CDAN1: variants seen among roughly 807,000 people sequenced by gnomAD.
CDAN1 encodes codanin 1, also known as codanin-1.
A neutral mutation model predicts 139.8 loss-of-function variants in CDAN1; 107 were observed. The observed-to-expected ratio is 0.77, with a 90% CI of 0.65 to 0.90. The LOEUF (loss-of-function observed/expected upper bound fraction) is 0.90. CDAN1 is among the 40% of genes least tolerant of loss of function. The pLI is 0.00. For synonymous variants in CDAN1, 776 were observed against 660.6 expected, an observed-to-expected ratio of 1.17 and a Z score of -2.68; for missense variants, 1,667 against 1,575.7, an observed-to-expected ratio of 1.06 and a Z score of -0.98.
At chr15:42,726,628 T>C (rs894184056) in intron 23 of CDAN1, 6 of 594,492 alleles carry the variant, frequency 1.0e-5, no homozygotes, top group African/African-American at 5.6e-5. Context: ...AGGGAACAGA[T>C]GGAGGTCAGC....
Position 42,723,913 on chromosome 15 carries a change from T to C in CDAN1, c.*578A>G, listed in dbSNP as rs939868888. The C allele has an allele frequency of 1.9e-5, 3 of 160,542 alleles. No homozygotes were observed. The highest frequency in any genetic ancestry group is 7.2e-5 in the African/African-American group (3 of 41,494). The allele number at this position is 160,542 out of a possible 1,614,324, so 9.9% of individuals were successfully genotyped here. ...TAGTAGAGATGGGGTTTTGCCATGT[T>C]GGCCAGGCTGGTCTTGAATTCCTGA... On this transcript the variant is annotated 3_prime_UTR_variant, in exon 28 of 28. Transcript: ENST00000356231.
intron 6 of CDAN1, 87 bp downstream of exon 6, chr15:42,735,013 G>T: frequency 1.1e-6 from 1 of 896,644 alleles, no homozygotes; most frequent in Non-Finnish European, 1.8e-6. Flanking sequence ...CTGCCCCTGT[G>T]TTAAGCACCA....
At chr15:42,736,827 C>T (rs767291360) in intron 1 of CDAN1, 47 bp from the exon 2 acceptor site, 2 of 1,476,044 alleles carry the variant, frequency 1.4e-6, no homozygotes, top group African/African-American at 1.5e-5. Context: ...AGCCGCCGGC[C>T]CGCGGGCCGT....
chr15:42,729,941 C>T, intron 15 of CDAN1, 56 bp from the exon 16 acceptor site: 2 of 1,352,920 alleles, frequency 1.5e-6, no homozygotes, highest in Admixed American at 1.9e-5. Flanking sequence ...CAACCCACCC[C>T]ACCTCCTGCA....
rs113282830 is a variant in CDAN1, at chr15:42,729,320, C to G, written c.2450G>C (p.Ser817Thr). 15 of 1,614,168 alleles carry G rather than the reference C, an allele frequency of 9.3e-6. No individual in the cohort carries two copies. In the African/African-American group the frequency reaches 1.1e-4, roughly 11 times the overall value. Residue 817 changes from serine (S) to threonine (T), a missense_variant, in exon 18 of 28, where the codon AGT becomes ACT. Around this residue, in one of 3 missense-constraint regions of CDAN1, gnomAD observed 936 missense variants for 844.1 expected, o/e 1.11. Coordinates refer to ENST00000356231, the MANE Select transcript of CDAN1 (RefSeq NM_138477.4). ...CCTCATGAAGCCCCCACTCCGTCCA[C>G]TACTGCCTGACACCCACGAAGCGAG... ...KLLASWVSGS[S>T]GRSGGFMRKI...
intron 25 of CDAN1, 144 bp downstream of exon 25, chr15:42,725,953 G>C: frequency 2.7e-6 from 2 of 740,076 alleles, no homozygotes; most frequent in African/African-American, 2.5e-5. Context: ...TCCAGCCTGG[G>C]CAACAGAACA....
chr15:42,728,545 A>C, intron 20 of CDAN1, 107 bp downstream of exon 20: 1 of 1,478,140 alleles, frequency 6.8e-7, no homozygotes, highest in Non-Finnish European at 9.4e-7. Context: ...GAGAAGAAAA[A>C]AGGAGGCATG....
Position 42,736,098 on chromosome 15 carries a change from G to T in CDAN1, c.570-20C>A, listed in dbSNP as rs900314468. 3 of 1,613,082 alleles carry T rather than the reference G, an allele frequency of 1.9e-6. No individual in the cohort carries two copies. The African/African-American group carries it at 4.0e-5, about 22-fold the overall frequency. On this transcript the variant is annotated intron_variant, in intron 2 of 27. Coordinates refer to ENST00000356231, the MANE Select transcript of CDAN1 (RefSeq NM_138477.4). Reference sequence around the variant, plus strand: ...TTCGTCCTGCTGAGAGTAGCCACAGGTTTTTCTCAAATTCCTATCTTCAAA... The same window carrying T: ...TTCGTCCTGCTGAGAGTAGCCACAGTTTTTTCTCAAATTCCTATCTTCAAA...
At chr15:42,731,853 T>G (rs1457254629) in intron 10 of CDAN1, 28 bp from the exon 11 acceptor site, 6 of 1,609,210 alleles carry the variant, frequency 3.7e-6, no homozygotes, top group Non-Finnish European at 5.1e-6. Context: ...GGAGAGAAAT[T>G]AAAAAAATCA....
chr15:42,728,071 G>A (rs1453467073), intron 21 of CDAN1, 38 bp from the exon 22 acceptor site: 1 of 1,606,654 alleles, frequency 6.2e-7, no homozygotes, highest in East Asian at 2.2e-5. Context: ...GCTAGGGGAG[G>A]GCTGGGTGCA....
rs1191001725 is a variant in CDAN1 at position 42,735,655 on chromosome 15, A to G, written c.798T>C (p.Pro266=). Residue 266 remains proline (P), a synonymous_variant, in exon 4 of 28, where the codon CCT becomes CCC. Coordinates refer to ENST00000356231, the MANE Select transcript of CDAN1 (RefSeq NM_138477.4). ...KERSKQLQQS[P]TPTCPTPELG... Reference sequence around the variant, plus strand: ...ATTCTGGGGTGGGACAGGTGGGGGTAGGTGACTGCTGCAGCTGCTTAGAGC... The same window carrying G: ...ATTCTGGGGTGGGACAGGTGGGGGTGGGTGACTGCTGCAGCTGCTTAGAGC... The G allele has an allele frequency of 6.2e-7, 1 of 1,614,038 alleles. No homozygotes were observed. Among genetic ancestry groups the G allele is most frequent in the East Asian group, 2.2e-5 (1 of 44,874 alleles).
chr15:42,731,686 G>T lies in CDAN1; in HGVS notation c.1673C>A (p.Pro558His). 6.2e-7 allele frequency: 1 copy of T among 1,614,076 alleles called. No homozygotes were observed. The highest frequency in any genetic ancestry group is 8.5e-7 in the Non-Finnish European group (1 of 1,179,964). The part of the protein sequence containing the change: ...RLMAPQSSGG[P>H]CPPPTFPGCQ... ...GCCTGGGAAGGTGGGGGGTGGGCAG[G>T]GCCCCCCACTGCTCTGAGGAGCCAT... is the stretch of plus-strand genomic sequence containing the variant. Residue 558 changes from proline to histidine, a missense_variant, in exon 11 of 28, where the codon CCC becomes CAC. Pro to His is a moderately conservative substitution (Grantham distance 77). Around this residue, in one of 3 missense-constraint regions of CDAN1, gnomAD observed 936 missense variants for 844.1 expected, o/e 1.11. Coordinates refer to ENST00000356231, the MANE Select transcript of CDAN1 (RefSeq NM_138477.4).
intron 14 of CDAN1, 56 bp downstream of exon 14, chr15:42,730,542 G>A (rs1377891459): frequency 7.5e-6 from 12 of 1,593,592 alleles, no homozygotes; most frequent in Non-Finnish European, 9.5e-6. Flanking sequence ...TAGCAGGCTT[G>A]ACCAATGTCC....
At position 42,726,436 on chromosome 15, in the gene CDAN1, GATATCAC is replaced by G. The variant is rs775710942; in HGVS notation, c.3097-26_3097-20del. ...GCACGTCCTGTGAAGAGCAGGGGGA[GATATCAC>G]CTTGCGCTGGGGGCCAGGATGCCAC... On this transcript the variant is annotated intron_variant, in intron 23 of 27. Transcript: ENST00000356231. 10 of 1,550,666 alleles carry G rather than the reference GATATCAC, an allele frequency of 6.4e-6. No individual in the cohort carries two copies. In the Admixed American group the frequency reaches 1.5e-4, roughly 23 times the overall value.
intron 9 of CDAN1, 76 bp from the exon 10 acceptor site, chr15:42,732,484 C>G (rs1040428438): frequency 7.4e-7 from 1 of 1,351,544 alleles, no homozygotes; most frequent in African/African-American, 1.4e-5. Context: ...GCAGCCAACC[C>G]CTGGACTTCC....
rs2061677425 is a variant in CDAN1, at chr15:42,735,620, G to A, written c.833C>T (p.Pro278Leu). 6.2e-7 allele frequency: 1 copy of A among 1,614,154 alleles called. No homozygotes were observed. Among genetic ancestry groups the A allele is most frequent in the South Asian group, 1.1e-5 (1 of 91,086 alleles). Residue 278 changes from proline to leucine, a missense_variant, in exon 4 of 28, where the codon CCC becomes CTC. Physicochemically the swap from Pro to Leu is moderately conservative, Grantham distance 98. This residue lies in a region of CDAN1 where 487 missense variants were observed against 422.2 expected (regional missense o/e 1.15). Transcript: ENST00000356231. ...GAGGCTTCCTGTCCGGCTGGGGAGG[G>A]GCGACCCCAATTCTGGGGTGGGACA... The part of the protein sequence containing the change: ...PTCPTPELGS[P>L]LPSRTGSLTD...
Position 42,735,122 on chromosome 15 carries a change from G to A in CDAN1, c.1114C>T (p.Gln372Ter). ...SIHDCVFFAVQVLECHFQVLS... is the reference protein window; with the variant it reads ...SIHDCVFFAV ...CACTGAAAGTGACACTCCAAAACCT[G>A]CACTGCAAAGAAGACACAATCGTGG... The change falls in exon 6 of 28, where the codon CAG becomes TAG. Residue 372 changes from glutamine to a stop codon, truncating the protein, a stop_gained. Transcript: ENST00000356231. LOFTEE classifies it high-confidence loss of function. 1 of 1,613,686 alleles carries A rather than the reference G, an allele frequency of 6.2e-7. No homozygotes were observed. Among genetic ancestry groups the A allele is most frequent in the Non-Finnish European group, 8.5e-7 (1 of 1,179,632 alleles).
rs186515980 is a variant in CDAN1 at position 42,733,861 on chromosome 15, T to A, written c.1367+77A>T. Reference sequence around the variant, plus strand: ...ACCTGTTGGTGCCAAACTCCTAATTTCTATGAAACCAAACAGCTGCCTATT... The same window carrying A: ...ACCTGTTGGTGCCAAACTCCTAATTACTATGAAACCAAACAGCTGCCTATT... On this transcript the variant is annotated intron_variant, in intron 8 of 27. Coordinates refer to ENST00000356231, the MANE Select transcript of CDAN1 (RefSeq NM_138477.4). The A allele has an allele frequency of 5.4e-4, 618 of 1,134,184 alleles. 2 individuals carry two copies. In the African/African-American group the frequency reaches 8.8e-3, roughly 16 times the overall value. The allele number at this position is 1,134,184 out of a possible 1,614,324, so 70.3% of individuals were successfully genotyped here.
At position 42,723,705 on chromosome 15, in the gene CDAN1, T is replaced by TA. The variant is rs1258431685; in HGVS notation, c.*785dup. On this transcript the variant is annotated 3_prime_UTR_variant, in exon 28 of 28. Transcript: ENST00000356231. ...GGTTTCAGTTGGTTGAGTCCTACCT[T>TA]ATCTGTTTGTTAGGCTTTTTCTAGA... The TA allele has an allele frequency of 1.3e-5, 2 of 152,520 alleles. No individual in the cohort carries two copies. Among genetic ancestry groups the TA allele is most frequent in the Non-Finnish European group, 2.9e-5 (2 of 68,364 alleles). The allele number at this position is 152,520 out of a possible 1,614,324, so 9.4% of individuals were successfully genotyped here. A position where few individuals can be genotyped will look rare whatever the true frequency, so the allele number is the denominator to read the frequency against.
Sources: gnomAD v4.1 joint callset for allele counts on GRCh38, gnomAD v4.1.1 for gene constraint, gnomAD v4.1.1 regional missense constraint, MANE v1.5 for transcripts, NCBI Gene and HGNC (gene_info 2026-07-23, HGNC 2026-07-21) for gene names.